ZFP62: variants seen among roughly 807,000 people sequenced by gnomAD.
ZFP62 encodes ZFP62 zinc finger protein.
ZFP62 carries 44 observed loss-of-function variants against 56.4 expected under a neutral mutation model. The observed-to-expected ratio is 0.78, with a 90% CI of 0.61 to 1.00. The LOEUF is 1.00. Ranked by LOEUF, ZFP62 falls within the 50% of genes least tolerant of loss-of-function variation. The probability of loss-of-function intolerance (pLI) is 0.00; values close to 1 mark genes in which losing one functional copy is unlikely to be tolerated. For missense variants in ZFP62, 1,030 were observed against 1,085.7 expected (o/e 0.95, Z 0.72); for synonymous variants, 421 against 388.9 (o/e 1.08, Z -0.97).
At chr5:180,835,768 T>C in the ZFP62 span, 1 of 152,250 alleles carries the variant, frequency 6.6e-6, no homozygotes, top group Non-Finnish European at 1.5e-5. Context: ...ACAGTTTCAT[T>C]ACCAAATGGA....
chr5:180,851,423 T>C lies in ZFP62; in HGVS notation c.72A>G (p.Ala24=), dbSNP rs1343640327. ...GATCCTCCACTTTTGGCCACTTAGATGCTGCATTTCCAACATTTTCATATT... is the reference window on the plus strand; with the variant it reads ...GATCCTCCACTTTTGGCCACTTAGACGCTGCATTTCCAACATTTTCATATT... ...TEEYENVGNA[A]SKWPKVEDPM... Residue 24 remains alanine, a synonymous_variant, in exon 2 of 2, where the codon GCA becomes GCG. Transcript: ENST00000502412. 6.4e-7 allele frequency: 1 copy of C among 1,551,480 alleles called. No individual in the cohort carries two copies. Among genetic ancestry groups the C allele is most frequent in the Non-Finnish European group, 8.7e-7 (1 of 1,146,974 alleles).
In ZFP62 at chr5:180,850,868, G is replaced by C; in HGVS notation, c.627C>G (p.Tyr209Ter). The C allele has an allele frequency of 6.4e-7, 1 of 1,563,884 alleles. No homozygotes were observed. The highest frequency in any genetic ancestry group is 8.7e-7 in the Non-Finnish European group (1 of 1,154,370). ...CEECGKAYMS[Y>*]SSLINHKSTH... ...TGCTTTTGTGGTTTATAAGGCTGGA[G>C]TAGGACATGTAGGCTTTCCCACATT... is the stretch of plus-strand genomic sequence containing the variant. Residue 209 changes from tyrosine (Y) to a stop codon, truncating the protein, a stop_gained, in exon 2 of 2, where the codon TAC becomes TAG. Transcript: ENST00000502412. LOFTEE classifies it high-confidence loss of function.
chr5:180,853,478 G>A (rs550427863), intron 1 of ZFP62, among the ~76,000 whole-genome samples: 5 of 152,258 alleles, frequency 3.3e-5, no homozygotes, highest in South Asian at 2.1e-4. Flanking sequence ...GAGAGACTCC[G>A]AGTATATAGC....
intron 1 of ZFP62, 57 bp from the exon 2 acceptor site, chr5:180,851,550 A>C (rs183836469): frequency 1.4e-6 from 2 of 1,448,994 alleles, no homozygotes; most frequent in Admixed American, 5.5e-5. Context: ...AAACAAAAAC[A>C]AACTGGAATA....
At chr5:180,838,242 C>T in the ZFP62 span, among the ~76,000 whole-genome samples, 2 of 152,048 alleles carry the variant, frequency 1.3e-5, no homozygotes, top group South Asian at 2.1e-4. Context: ...GTCAAGGAGG[C>T]CCATGTGGTG....
downstream of ZFP62, among the ~76,000 whole-genome samples, chr5:180,846,734 G>A (rs1773421418): frequency 6.6e-6 from 1 of 152,184 alleles, no homozygotes; most frequent in Non-Finnish European, 1.5e-5. Context: ...GGGTGGTTGT[G>A]CTCACAGCCT....
At chr5:180,836,870 T>G in the ZFP62 span, among the ~76,000 whole-genome samples, 9 of 152,362 alleles carry the variant, frequency 5.9e-5, no homozygotes, top group South Asian at 6.2e-4. Context: ...CCTGTAAGAA[T>G]ACATTTTATT....
Position 180,850,703 on chromosome 5 carries a change from G to A in ZFP62, c.792C>T (p.Asn264=), listed in dbSNP as rs774438726. The change falls in exon 2 of 2, where the codon AAC becomes AAT. Residue 264 remains asparagine (N), a synonymous_variant. Coordinates refer to ENST00000502412, the MANE Select transcript of ZFP62 (RefSeq NM_001172638.2). ...TTTTGTGGACTCTGAGCCCAGAGCTGTTCCTGAAGGCCTTCCCACACTCAC... is the reference window on the plus strand; with the variant it reads ...TTTTGTGGACTCTGAGCCCAGAGCTATTCCTGAAGGCCTTCCCACACTCAC... ...ECGECGKAFR[N]SSGLRVHKRI... 1.1e-5 allele frequency: 18 copies of A among 1,603,748 alleles called. No homozygotes were observed. Among genetic ancestry groups the A allele is most frequent in the Admixed American group, 1.0e-4 (6 of 58,086 alleles).
the ZFP62 span, among the ~76,000 whole-genome samples, chr5:180,829,522 T>C: frequency 2.0e-5 from 3 of 152,236 alleles, no homozygotes; most frequent in African/African-American, 7.2e-5. Flanking sequence ...ACTCTTTATT[T>C]CTCAGCCGGC....
In ZFP62 at chr5:180,849,110, GATGT is replaced by G. The variant is rs1271728156; in HGVS notation, c.2381_2384del (p.Tyr794SerfsTer74). The G allele has an allele frequency of 6.4e-7, 1 of 1,556,758 alleles. No homozygotes were observed. The highest frequency in any genetic ancestry group is 1.4e-5 in the African/African-American group (1 of 73,100). On this transcript the variant is annotated frameshift_variant, in exon 2 of 2. Coordinates refer to ENST00000502412, the MANE Select transcript of ZFP62 (RefSeq NM_001172638.2). LOFTEE classifies it high-confidence loss of function. ...TATGATTGATAAGACTTGAGTGTGA[GATGT>G]ATGCCTTCCCACACTCATCACATTC...
intron 1 of ZFP62, among the ~76,000 whole-genome samples, chr5:180,853,426 G>A (rs1221784657): frequency 6.6e-6 from 1 of 152,210 alleles, no homozygotes; most frequent in African/African-American, 2.4e-5. Flanking sequence ...TCACCTACAA[G>A]GGAGGAGTGT....
chr5:180,852,424 C>T (rs950957874), intron 1 of ZFP62, among the ~76,000 whole-genome samples: 4 of 151,876 alleles, frequency 2.6e-5, no homozygotes, highest in Non-Finnish European at 4.4e-5. Context: ...CGTGATGGCA[C>T]GCACCTCTAA....
chr5:180,860,161 G>A (rs1338793136), intron 1 of ZFP62, among the ~76,000 whole-genome samples: 2 of 152,164 alleles, frequency 1.3e-5, no homozygotes, highest in Non-Finnish European at 2.9e-5. Flanking sequence ...TGTGAAAAAA[G>A]GGGGAACTAA....
Position 180,850,723 on chromosome 5 carries a change from A to G in ZFP62, c.772T>C (p.Cys258Arg). ...TGEKPYECGE[C>R]GKAFRNSSGL... is the part of the protein sequence containing the mutation. ...GAGCTGTTCCTGAAGGCCTTCCCACACTCACCACATTCATAGGGCTTCTCC... is the reference window on the plus strand; with the variant it reads ...GAGCTGTTCCTGAAGGCCTTCCCACGCTCACCACATTCATAGGGCTTCTCC... Residue 258 changes from cysteine (C) to arginine (R), a missense_variant, in exon 2 of 2, where the codon TGT becomes CGT. By Grantham distance (180) the Cys-to-Arg change is radical (BLOSUM62 -3). Transcript: ENST00000502412. 6.2e-7 allele frequency: 1 copy of G among 1,607,032 alleles called. No homozygotes were observed.
chr5:180,829,552 A>T, the ZFP62 span, among the ~76,000 whole-genome samples: 1 of 150,550 alleles, frequency 6.6e-6, no homozygotes, highest in Non-Finnish European at 1.5e-5. Flanking sequence ...TGGAAAATAG[A>T]AAGAACCTAT....
Position 180,850,581 on chromosome 5 carries a change from C to G in ZFP62, c.914G>C (p.Gly305Ala). 2 of 1,560,652 alleles carry G rather than the reference C, an allele frequency of 1.3e-6. No homozygotes were observed. Among genetic ancestry groups the G allele is most frequent in the Non-Finnish European group, 1.7e-6 (2 of 1,152,404 alleles). The change falls in exon 2 of 2, where the codon GGT (glycine) becomes GCT (alanine). Residue 305 changes from glycine to alanine, a missense_variant. Transcript: ENST00000502412. ...GLRVHKRIHT[G>A]EKPYECDECG... ...CTCATCACATTCGTAAGGTTTCTCA[C>G]CTGTGTGGATCCTTTTATGGACCCT...
In ZFP62 at chr5:180,850,427, T is replaced by C. The variant is rs1205597450; in HGVS notation, c.1068A>G (p.Lys356=). 6.4e-7 allele frequency: 1 copy of C among 1,556,770 alleles called. No individual in the cohort carries two copies. The highest frequency in any genetic ancestry group is 1.9e-5 in the Admixed American group (1 of 51,336). The change falls in exon 2 of 2, where the codon AAA becomes AAG. Residue 356 remains lysine (K), a synonymous_variant. Transcript: ENST00000502412. ...FNYSSLLIQH[K]VIHTGEKPYE... ...AAGGTTTCTCTCCAGTGTGGATGAC[T>C]TTATGCTGAATGAGAAGAGAGCTAT...
At chr5:180,853,427 G>A (rs991725625) in intron 1 of ZFP62, among the ~76,000 whole-genome samples, 2 of 152,224 alleles carry the variant, frequency 1.3e-5, no homozygotes, top group African/African-American at 4.8e-5. Flanking sequence ...CACCTACAAG[G>A]GAGGAGTGTG....
the ZFP62 span, among the ~76,000 whole-genome samples, chr5:180,835,894 G>A: frequency 6.6e-6 from 1 of 152,196 alleles, no homozygotes; most frequent in Non-Finnish European, 1.5e-5. Context: ...TAGGGCAGCC[G>A]TAACAAAGGA....
Sources: gnomAD v4.1 joint callset for allele counts (sites outside exome capture counted in the v4.1 genomes callset) on GRCh38, gnomAD v4.1.1 for gene constraint, MANE v1.5 for transcripts, NCBI Gene and HGNC (gene_info 2026-07-23, HGNC 2026-07-21) for gene names.